The following GRM7 variants were observed in gnomAD, a reference collection of about 807,000 sequenced individuals.
GRM7 encodes metabotropic glutamate receptor 7.
A neutral mutation model predicts 84.5 loss-of-function variants in GRM7; 35 were observed. The observed-to-expected ratio is 0.41, with a 90% CI of 0.32 to 0.55. GRM7 has a LOEUF of 0.55. Ranked by LOEUF, GRM7 falls within the 20% of genes least tolerant of loss-of-function variation. The pLI is 0.19. For missense variants in GRM7, 1,003 were observed against 1,194.6 expected, an observed-to-expected ratio of 0.84 and a Z score of 2.36; for synonymous variants, 487 against 455.1, an observed-to-expected ratio of 1.07 and a Z score of -0.89.
At chr3:7,600,948 T>C (rs1425337273) in intron 8 of GRM7, among the ~76,000 whole-genome samples, 2 of 152,272 alleles carry the variant, frequency 1.3e-5, no homozygotes, top group Admixed American at 1.3e-4. Flanking sequence ...TGCAACTTTA[T>C]TCATATTCCT....
intron 4 of GRM7, among the ~76,000 whole-genome samples, chr3:7,355,525 A>G (rs1463557479): frequency 1.3e-5 from 2 of 152,094 alleles, no homozygotes; most frequent in Non-Finnish European, 2.9e-5. Flanking sequence ...ATAATTTCGT[A>G]GCAAAGAACT....
intron 1 of GRM7, among the ~76,000 whole-genome samples, chr3:6,940,006 A>G (rs1697830751): frequency 6.6e-6 from 1 of 152,216 alleles, no homozygotes; most frequent in African/African-American, 2.4e-5. Context: ...TTAAACAACT[A>G]TAATAAGAAT....
chr3:7,202,512 G>A (rs893370868), intron 2 of GRM7, among the ~76,000 whole-genome samples: 4 of 152,034 alleles, frequency 2.6e-5, no homozygotes, highest in Non-Finnish European at 5.9e-5. Context: ...TGTAATTTTA[G>A]TAGAGGTGGG....
intron 1 of GRM7, among the ~76,000 whole-genome samples, chr3:6,995,060 G>T (rs7638164): frequency 1.9e-5 from 1 of 53,520 alleles, no homozygotes; most frequent in Non-Finnish European, 5.8e-5. Flanking sequence ...CTTTCCACAC[G>T]CTCTTATTCA....
chr3:6,902,697 C>T (rs1307266315), intron 1 of GRM7, among the ~76,000 whole-genome samples: 2 of 152,204 alleles, frequency 1.3e-5, no homozygotes, highest in African/African-American at 4.8e-5. Context: ...GCCAGATCTG[C>T]AGACTATTAA....
intron 5 of GRM7, among the ~76,000 whole-genome samples, chr3:7,436,549 A>G (rs1475150151): frequency 2.0e-5 from 3 of 152,174 alleles, no homozygotes; most frequent in East Asian, 1.9e-4. Flanking sequence ...ATAACAACTA[A>G]TGCTACAAAT....
At chr3:7,631,323 G>A (rs1267458869) in intron 8 of GRM7, among the ~76,000 whole-genome samples, 2 of 152,074 alleles carry the variant, frequency 1.3e-5, no homozygotes, top group East Asian at 3.9e-4. Context: ...GAAGTAGCCC[G>A]GCAGTAGGGA....
chr3:7,104,190 A>G lies in GRM7; in HGVS notation c.520-42262A>G, dbSNP rs573591269. ...CTTTTCATGTGAGGACACACTAAGTATTTATTGGGAAAAGAGGACACACCA... is the reference window on the plus strand; with the variant it reads ...CTTTTCATGTGAGGACACACTAAGTGTTTATTGGGAAAAGAGGACACACCA... On this transcript the variant is annotated intron_variant, in intron 1 of 9. Transcript: ENST00000357716. Among the ~76,000 whole-genome samples, 249 of 151,346 alleles carry G rather than the reference A, an allele frequency of 1.6e-3. 1 individual carries two copies. The highest frequency in any genetic ancestry group is 5.6e-3 in the African/African-American group (230 of 41,272).
At chr3:7,469,889 C>G (rs1237846793) in intron 7 of GRM7, among the ~76,000 whole-genome samples, 1 of 152,188 alleles carries the variant, frequency 6.6e-6, no homozygotes, top group African/African-American at 2.4e-5. Context: ...AGACCCCAAA[C>G]TGATTACAGA....
At chr3:7,619,052 A>C (rs1191657853) in intron 8 of GRM7, among the ~76,000 whole-genome samples, 1 of 152,174 alleles carries the variant, frequency 6.6e-6, no homozygotes, top group Non-Finnish European at 1.5e-5. Flanking sequence ...AGAGAGGACA[A>C]GGATAGACAC....
At chr3:6,909,841 AT>A (rs1445613763) in intron 1 of GRM7, among the ~76,000 whole-genome samples, 3 of 152,142 alleles carry the variant, frequency 2.0e-5, no homozygotes, top group African/African-American at 7.2e-5. Flanking sequence ...ATTAAGGAAA[AT>A]AGTAAATTTT....
At chr3:6,949,192 A>T (rs1575054568) in intron 1 of GRM7, among the ~76,000 whole-genome samples, 1 of 152,138 alleles carries the variant, frequency 6.6e-6, no homozygotes, top group African/African-American at 2.4e-5. Flanking sequence ...AGTGGCTGGT[A>T]CCGGTTGTTC....
chr3:7,237,346 A>AT (rs1277493929), intron 2 of GRM7, among the ~76,000 whole-genome samples: 1 of 152,052 alleles, frequency 6.6e-6, no homozygotes, highest in Non-Finnish European at 1.5e-5. Flanking sequence ...AATAATCATT[A>AT]TTTTTTATAT....
chr3:7,439,111 C>G (rs1316992718), intron 5 of GRM7, among the ~76,000 whole-genome samples: 1 of 152,058 alleles, frequency 6.6e-6, no homozygotes, highest in Non-Finnish European at 1.5e-5. Context: ...GATCCCAAAC[C>G]CTGAGACTCA....
chr3:7,523,835 G>A (rs1700690294), intron 7 of GRM7, among the ~76,000 whole-genome samples: 1 of 152,082 alleles, frequency 6.6e-6, no homozygotes, highest in Non-Finnish European at 1.5e-5. Context: ...GGGAGAAGAA[G>A]GATTCCAGGA....
In GRM7 at chr3:7,718,651, G is replaced by A. The variant is rs548589226; in HGVS notation, c.2699-21706G>A. On this transcript the variant is annotated intron_variant, in intron 9 of 9. Transcript: ENST00000357716. ...AATTTAAAAAGCCAGAAGCCACCCAGTCAGAAGACCAGGCCTACCTGGGGA... is the reference window on the plus strand; with the variant it reads ...AATTTAAAAAGCCAGAAGCCACCCAATCAGAAGACCAGGCCTACCTGGGGA... Among the ~76,000 whole-genome samples, 4 of 152,260 alleles carry A rather than the reference G, an allele frequency of 2.6e-5. No individual in the cohort carries two copies. The South Asian group carries it at 8.3e-4, about 31-fold the overall frequency.
At chr3:7,720,272 C>G (rs1701900100) in intron 9 of GRM7, among the ~76,000 whole-genome samples, 1 of 152,102 alleles carries the variant, frequency 6.6e-6, no homozygotes, top group Admixed American at 6.5e-5. Flanking sequence ...ATACCATCTC[C>G]TTTTTTTGAG....
intron 8 of GRM7, among the ~76,000 whole-genome samples, chr3:7,617,549 A>G (rs1193855797): frequency 1.3e-5 from 2 of 152,174 alleles, no homozygotes; most frequent in Non-Finnish European, 2.9e-5. Flanking sequence ...CCATAAAGCA[A>G]AAGATCGACA....
chr3:7,263,712 C>T (rs747416988), intron 2 of GRM7, among the ~76,000 whole-genome samples: 24 of 152,034 alleles, frequency 1.6e-4, no homozygotes, highest in Admixed American at 6.6e-5. Context: ...TGCCTAGTTT[C>T]GTGCTGGTAG....
Sources: gnomAD v4.1 joint callset for allele counts (sites outside exome capture counted in the v4.1 genomes callset) on GRCh38, gnomAD v4.1.1 for gene constraint, MANE v1.5 for transcripts, NCBI Gene and HGNC (gene_info 2026-07-23, HGNC 2026-07-21) for gene names.